CNBD1: variants seen among roughly 807,000 people sequenced by gnomAD.
CNBD1 encodes cyclic nucleotide-binding domain-containing protein 1.
A neutral mutation model predicts 54.4 loss-of-function variants in CNBD1; 71 were observed. The ratio of observed to expected loss-of-function variants is 1.30; its 90% CI spans 1.08 to 1.59. CNBD1 has a LOEUF of 1.59. CNBD1 is among the 40% of genes most tolerant of loss of function. The probability of loss-of-function intolerance (pLI) is 0.00; values close to 1 mark genes in which losing one functional copy is unlikely to be tolerated. For synonymous variants in CNBD1, 182 were observed against 170.7 expected (o/e 1.07, Z -0.51); for missense variants, 659 against 518.0 (o/e 1.27, Z -2.64).
intron 4 of CNBD1, among the ~76,000 whole-genome samples, chr8:86,952,890 G>T (rs940359475): frequency 5.3e-5 from 8 of 152,064 alleles, no homozygotes; most frequent in Non-Finnish European, 1.2e-4. Flanking sequence ...CCCACCCTCT[G>T]TTCCAAGCAA....
chr8:87,174,548 C>T (rs1285729443), intron 4 of CNBD1, among the ~76,000 whole-genome samples: 2 of 152,172 alleles, frequency 1.3e-5, no homozygotes, highest in Non-Finnish European at 2.9e-5. Context: ...TGAAAGGTCA[C>T]ATATCTCTGT....
At chr8:87,226,311 T>G (rs1258301469) in intron 5 of CNBD1, among the ~76,000 whole-genome samples, 1 of 150,674 alleles carries the variant, frequency 6.6e-6, no homozygotes, top group Non-Finnish European at 1.5e-5. Flanking sequence ...CGTGCTTTTC[T>G]AGTTCTTTTA....
chr8:87,176,817 T>G (rs1434796163), intron 4 of CNBD1, among the ~76,000 whole-genome samples: 1 of 152,196 alleles, frequency 6.6e-6, no homozygotes, highest in African/African-American at 2.4e-5. Context: ...CAAAGGATAC[T>G]TTTTGTTTAT....
At chr8:86,868,851 C>T (rs182881009) in intron 1 of CNBD1, among the ~76,000 whole-genome samples, 3 of 152,182 alleles carry the variant, frequency 2.0e-5, no homozygotes, top group African/African-American at 7.2e-5. Context: ...GCAATTAAAG[C>T]AGCTAATTGG....
intron 6 of CNBD1, among the ~76,000 whole-genome samples, chr8:87,237,513 C>A (rs1807608504): frequency 6.6e-6 from 1 of 152,052 alleles, no homozygotes; most frequent in Non-Finnish European, 1.5e-5. Flanking sequence ...GTCTCAAGAG[C>A]AATGCTAAGA....
In CNBD1 at chr8:87,060,051, C is replaced by G. The variant is rs6984862; in HGVS notation, c.431+120297C>G. On this transcript the variant is annotated intron_variant, in intron 4 of 10. Coordinates refer to ENST00000518476, the MANE Select transcript of CNBD1 (RefSeq NM_173538.3). ...GGGTGACTCCTCCCAAGAATAGTTCCTGGGAAGTTGCCCAGCCCTTCACTG... is the reference window on the plus strand; with the variant it reads ...GGGTGACTCCTCCCAAGAATAGTTCGTGGGAAGTTGCCCAGCCCTTCACTG... 8.6e-3 allele frequency among the ~76,000 whole-genome samples: 1,315 copies of G among 152,320 alleles called. 15 individuals are homozygous for G. Among genetic ancestry groups the G allele is most frequent in the Middle Eastern group, 0.027 (8 of 294 alleles).
chr8:87,037,162 T>C (rs532733719), intron 4 of CNBD1, among the ~76,000 whole-genome samples: 3 of 152,334 alleles, frequency 2.0e-5, no homozygotes, highest in African/African-American at 4.8e-5. Context: ...TTTGTTTCCT[T>C]ACTTTTTAGG....
At chr8:86,978,676 G>T (rs1468751751) in intron 4 of CNBD1, among the ~76,000 whole-genome samples, 1 of 151,480 alleles carries the variant, frequency 6.6e-6, no homozygotes, top group Non-Finnish European at 1.5e-5. Context: ...CAGAGTAGCT[G>T]GGATAACAGG....
In CNBD1 at chr8:87,163,186, A is replaced by C. The variant is rs1295052312; in HGVS notation, c.432-42807A>C. ...AGTAGATTGAACTAACAAATGTACA[A>C]TATTTTGGTATTAATAACATCTCAT... On this transcript the variant is annotated intron_variant, in intron 4 of 10. Coordinates refer to ENST00000518476, the MANE Select transcript of CNBD1 (RefSeq NM_173538.3). The surrounding 1 kb of genome is among the most constrained non-coding windows in gnomAD (Gnocchi z 4.5). 6.6e-6 allele frequency among the ~76,000 whole-genome samples: 1 copy of C among 152,082 alleles called. No homozygotes were observed. Among genetic ancestry groups the C allele is most frequent in the Admixed American group, 6.6e-5 (1 of 15,230 alleles).
At chr8:87,305,408 C>G (rs1010821997) in intron 8 of CNBD1, among the ~76,000 whole-genome samples, 1 of 151,954 alleles carries the variant, frequency 6.6e-6, no homozygotes, top group Non-Finnish European at 1.5e-5. Context: ...AAAAACAATT[C>G]TAAAATTGAT....
chr8:87,179,078 T>G (rs1002942432), intron 4 of CNBD1, among the ~76,000 whole-genome samples: 2 of 151,580 alleles, frequency 1.3e-5, no homozygotes, highest in Non-Finnish European at 3.0e-5. Context: ...GCCCAGCTAA[T>G]TTTTGTATTT....
chr8:87,403,190 C>T (rs576153992), intron 2 of CNBD1, among the ~76,000 whole-genome samples: 4 of 151,990 alleles, frequency 2.6e-5, no homozygotes, highest in East Asian at 3.9e-4. Context: ...GTCAATGTGC[C>T]TTTCAAAAAT....
intron 4 of CNBD1, among the ~76,000 whole-genome samples, chr8:87,074,745 T>C (rs906262497): frequency 6.6e-6 from 1 of 152,140 alleles, no homozygotes; most frequent in African/African-American, 2.4e-5. Flanking sequence ...TCATTCTCCG[T>C]GGGTCAGCTT....
chr8:87,206,214 C>A, intron 5 of CNBD1, 76 bp downstream of exon 5: 2 of 1,113,538 alleles, frequency 1.8e-6, no homozygotes, highest in Non-Finnish European at 2.4e-6. Flanking sequence ...CATTATAATG[C>A]TTATAATTTC....
Position 87,330,630 on chromosome 8 carries a change from C to T in CNBD1, c.1043-21055C>T, listed in dbSNP as rs541259541. On this transcript the variant is annotated intron_variant, in intron 8 of 10. Coordinates refer to ENST00000518476, the MANE Select transcript of CNBD1 (RefSeq NM_173538.3). ...TTAGCTGAAGATGTCTAGATTAATT[C>T]CATTCTATTCTGAGAGAAGAAATTG... Among the ~76,000 whole-genome samples the T allele has an allele frequency of 9.9e-5, 15 of 152,160 alleles. 1 individual carries two copies. Among genetic ancestry groups the T allele is most frequent in the Admixed American group, 9.8e-4 (15 of 15,278 alleles).
At chr8:87,170,839 C>T (rs1184177428) in intron 4 of CNBD1, among the ~76,000 whole-genome samples, 1 of 152,076 alleles carries the variant, frequency 6.6e-6, no homozygotes, top group Admixed American at 6.6e-5. Context: ...TATGTTTAAC[C>T]ATTCTTGCAT....
intron 8 of CNBD1, among the ~76,000 whole-genome samples, chr8:87,346,202 C>T (rs1240437334): frequency 2.0e-5 from 3 of 151,926 alleles, no homozygotes; most frequent in South Asian, 2.1e-4. Context: ...CCACCACGCT[C>T]AGCTAATTTT....
intron 4 of CNBD1, among the ~76,000 whole-genome samples, chr8:86,985,847 C>A (rs1479537072): frequency 3.3e-5 from 5 of 152,164 alleles, no homozygotes; most frequent in Admixed American, 3.3e-4. Flanking sequence ...TTTTCCACAG[C>A]CTCACCAGTA....
chr8:87,243,431 G>A (rs1026945209), intron 6 of CNBD1, among the ~76,000 whole-genome samples: 19 of 152,172 alleles, frequency 1.2e-4, no homozygotes, highest in Non-Finnish European at 2.2e-4. Context: ...TAAGCTATTT[G>A]ATTTTGCTGC....
Sources: allele counts gnomAD v4.1 joint callset (sites outside exome capture counted in the v4.1 genomes callset), GRCh38; gene constraint gnomAD v4.1.1; non-coding constraint Gnocchi (gnomAD v3.1); transcripts MANE v1.5; gene names NCBI Gene and HGNC (gene_info 2026-07-23, HGNC 2026-07-21).